DNAH9: variants seen among roughly 807,000 people sequenced by gnomAD.
DNAH9 encodes the protein dynein axonemal heavy chain 9.
DNAH9 carries 345 observed loss-of-function variants against 471.6 expected under a neutral mutation model. That is an observed-to-expected ratio of 0.73 (90% CI 0.67 to 0.80). The LOEUF (loss-of-function observed/expected upper bound fraction) is 0.80, where lower values mean the gene tolerates loss of function less well. DNAH9 is among the 30% of genes least tolerant of loss of function. DNAH9 has a pLI of 0.00. For synonymous variants in DNAH9, 2,093 were observed against 2,123.6 expected, an observed-to-expected ratio of 0.99 and a Z score of 0.40; for missense variants, 5,407 against 5,609.2, an observed-to-expected ratio of 0.96 and a Z score of 1.15.
chr17:11,846,202 G>A (rs1971219119), intron 49 of DNAH9, among the ~76,000 whole-genome samples: 8 of 132,402 alleles, frequency 6.0e-5, no homozygotes, highest in East Asian at 2.3e-4. Flanking sequence ...AAGGGATCCA[G>A]TTTCAGCTTT....
At chr17:11,755,662 CT>C (rs11286116) in intron 33 of DNAH9, among the ~76,000 whole-genome samples, 149,647 of 151,882 alleles carry the variant, frequency 0.99, 73,756 homozygotes, top group East Asian at 1. Context: ...GTTTAAATAA[CT>C]TTTTTTTTCT....
At chr17:11,930,182 G>A (rs1448747410) in intron 63 of DNAH9, 89 bp downstream of exon 63, 1 of 1,156,536 alleles carries the variant, frequency 8.6e-7, no homozygotes, top group Non-Finnish European at 1.2e-6. Context: ...AACTCAGAAG[G>A]GAGTCGGGTG....
At chr17:11,861,288 T>C (rs1971838722) in intron 50 of DNAH9, among the ~76,000 whole-genome samples, 2 of 152,010 alleles carry the variant, frequency 1.3e-5, no homozygotes, top group Admixed American at 1.3e-4. Context: ...TTGGTTTTTT[T>C]CTTGCGATAG....
chr17:11,922,897 C>G (rs1974179779), intron 61 of DNAH9, among the ~76,000 whole-genome samples: 1 of 152,164 alleles, frequency 6.6e-6, no homozygotes, highest in African/African-American at 2.4e-5. Flanking sequence ...GCTTGCTACT[C>G]TCTCACCCTT....
rs1370135667 is a variant in DNAH9, at chr17:11,679,931, G to A, written c.3528G>A (p.Leu1176=). The A allele has an allele frequency of 2.5e-6, 4 of 1,613,960 alleles. No homozygotes were observed. In the African/African-American group the frequency reaches 5.3e-5, roughly 22 times the overall value. ...FEPLKQTIEL[L]KTYEQELPET... ...CCTTAAAGCAGACTATTGAATTGCTGAAGACCTATGAACAAGAATTGCCAG... is the reference window on the plus strand; with the variant it reads ...CCTTAAAGCAGACTATTGAATTGCTAAAGACCTATGAACAAGAATTGCCAG... The change falls in exon 18 of 69, where the codon CTG becomes CTA. Residue 1176 remains leucine, a synonymous_variant. Transcript: ENST00000262442.
intron 7 of DNAH9, 100 bp downstream of exon 7, chr17:11,629,684 CT>C: frequency 9.0e-7 from 1 of 1,115,626 alleles, no homozygotes; most frequent in Non-Finnish European, 1.3e-6. Context: ...TGTGTATTTC[CT>C]TTGGCTCTGT....
rs2277659 is a variant in DNAH9, at chr17:11,781,254, G to C, written c.7718+80G>C. The C allele has an allele frequency of 0.2, 294,816 of 1,461,312 alleles. 31,274 individuals carry two copies. Among genetic ancestry groups the C allele is most frequent in the African/African-American group, 0.33 (23,568 of 70,722 alleles). The allele number at this position is 1,461,312 out of a possible 1,614,324, so 90.5% of individuals were successfully genotyped here. On this transcript the variant is annotated intron_variant, in intron 39 of 68. Transcript: ENST00000262442. ...CTGAAGGCCAGTCTCTATTCTGCCT[G>C]AACGGCAAACCTCAGCATAGCTCTG...
chr17:11,842,482 G>A (rs1034944112), intron 49 of DNAH9, among the ~76,000 whole-genome samples: 1 of 152,196 alleles, frequency 6.6e-6, no homozygotes, highest in Non-Finnish European at 1.5e-5. Context: ...GCAAAGTGAA[G>A]CTCCACAATA....
intron 27 of DNAH9, among the ~76,000 whole-genome samples, chr17:11,727,047 C>CAAAAAAAAAAAAA (rs55659834): frequency 1.0e-4 from 7 of 68,472 alleles, no homozygotes; most frequent in African/African-American, 2.5e-4. Flanking sequence ...GACTCCGTCT[C>CAAAAAAAAAAAAA]AAAAAAAAAA....
chr17:11,964,519 G>A (rs924162902), intron 68 of DNAH9, among the ~76,000 whole-genome samples: 2 of 152,062 alleles, frequency 1.3e-5, no homozygotes, highest in Admixed American at 6.5e-5. Flanking sequence ...AAAGATGTCG[G>A]CAAAAATGGA....
chr17:11,598,609 G>A lies in DNAH9; in HGVS notation c.111G>A (p.Arg37=), dbSNP rs1198584885. 1 of 1,347,706 alleles carries A rather than the reference G, an allele frequency of 7.4e-7. No individual in the cohort carries two copies. Among genetic ancestry groups the A allele is most frequent in the Admixed American group, 4.0e-5 (1 of 24,722 alleles). The allele number at this position is 1,347,706 out of a possible 1,614,324, so 83.5% of individuals were successfully genotyped here. A position where few individuals can be genotyped will look rare whatever the true frequency, so the allele number is the denominator to read the frequency against. Reference sequence around the variant, plus strand: ...GGACCTACGTGGCCATGAGCCTGCGGCCGGCTGCGGGCGCCTGGGAGCGTT... The same window carrying A: ...GGACCTACGTGGCCATGAGCCTGCGACCGGCTGCGGGCGCCTGGGAGCGTT... ...LLGTYVAMSL[R]PAAGAWERCA... Residue 37 remains arginine (R), a synonymous_variant, in exon 1 of 69, where the codon CGG becomes CGA. Coordinates refer to ENST00000262442, the MANE Select transcript of DNAH9 (RefSeq NM_001372.4).
At chr17:11,697,016 G>A in intron 22 of DNAH9, among the ~76,000 whole-genome samples, 1 of 152,072 alleles carries the variant, frequency 6.6e-6, no homozygotes, top group East Asian at 1.9e-4. Context: ...CTACAGGCAT[G>A]AGCCACCACA....
intron 67 of DNAH9, among the ~76,000 whole-genome samples, chr17:11,952,905 G>A (rs114004993): frequency 0.023 from 3,469 of 152,112 alleles, 138 homozygotes; most frequent in African/African-American, 0.078. Flanking sequence ...CTCAAGCACC[G>A]GCAAATTTGG....
rs3074845 is a variant in DNAH9, at chr17:11,960,435, T to TAAAAAAAAAAAAAAAAAAAAAAA, written c.12844-1427_12844-1405dup. 3.7e-4 allele frequency among the ~76,000 whole-genome samples: 20 copies of TAAAAAAAAAAAAAAAAAAAAAAA among 54,044 alleles called. 1 individual carries two copies. The highest frequency in any genetic ancestry group is 4.9e-4 in the Non-Finnish European group (15 of 30,426). 35.5% of individuals were successfully genotyped at this position (54,044 alleles called of 152,430 possible). Reference sequence around the variant, plus strand: ...TGGGTGACAGAGCAAGACTCTGTCTTAAAAAAAAAAAAAAAAAAAAAAAAA... The same window carrying TAAAAAAAAAAAAAAAAAAAAAAA: ...TGGGTGACAGAGCAAGACTCTGTCTTAAAAAAAAAAAAAAAAAAAAAAAAAAAAAAAAAAAAAAAAAAAAAAAA... On this transcript the variant is annotated intron_variant, in intron 67 of 68. Transcript: ENST00000262442.
chr17:11,696,204 C>G (rs1405033909), intron 22 of DNAH9, among the ~76,000 whole-genome samples: 3 of 152,156 alleles, frequency 2.0e-5, no homozygotes, highest in Non-Finnish European at 4.4e-5. Context: ...CTAATTTCCC[C>G]TTCTTTCATA....
At chr17:11,763,327 G>C in intron 35 of DNAH9, 113 bp from the exon 36 acceptor site, 1 of 907,498 alleles carries the variant, frequency 1.1e-6, no homozygotes, top group Non-Finnish European at 1.7e-6. Context: ...TAATCCCAAA[G>C]AACTTGACGG....
chr17:11,619,018 C>T (rs1370089944), intron 5 of DNAH9, among the ~76,000 whole-genome samples: 1 of 152,154 alleles, frequency 6.6e-6, no homozygotes, highest in East Asian at 1.9e-4. Flanking sequence ...CATATTGGCT[C>T]ATGTACCTTG....
intron 41 of DNAH9, among the ~76,000 whole-genome samples, chr17:11,790,239 C>G (rs1473942186): frequency 2.6e-5 from 4 of 151,832 alleles, no homozygotes; most frequent in Non-Finnish European, 5.9e-5. Flanking sequence ...TATTTGTCTG[C>G]TTGTTCCTTC....
intron 19 of DNAH9, 21 bp downstream of exon 19, chr17:11,680,910 CCT>C: frequency 6.3e-7 from 1 of 1,591,364 alleles, no homozygotes; most frequent in Non-Finnish European, 8.6e-7. Context: ...AACACTGCTG[CCT>C]CTCTTTCTGT....
Sources: gnomAD v4.1 joint callset for allele counts (sites outside exome capture counted in the v4.1 genomes callset) on GRCh38, gnomAD v4.1.1 for gene constraint, MANE v1.5 for transcripts, NCBI Gene and HGNC (gene_info 2026-07-23, HGNC 2026-07-21) for gene names.